The following CUX2 variants were observed in gnomAD, a reference collection of about 807,000 sequenced individuals.
CUX2 encodes the protein homeobox protein cut-like 2.
Under a neutral mutation model 144.8 loss-of-function variants are expected in CUX2, and 40 were observed. That is an observed-to-expected ratio of 0.28 (90% CI 0.21 to 0.36). The LOEUF (loss-of-function observed/expected upper bound fraction) is 0.36. CUX2 is among the 10% of genes least tolerant of loss of function. CUX2 has a pLI of 1.00. For missense variants in CUX2, 1,615 were observed against 1,994.0 expected, an observed-to-expected ratio of 0.81 and a Z score of 3.62; for synonymous variants, 827 against 875.6, an observed-to-expected ratio of 0.94 and a Z score of 0.98.
intron 1 of CUX2, among the ~76,000 whole-genome samples, chr12:111,036,634 G>T (rs779721766): frequency 6.6e-6 from 1 of 151,576 alleles, no homozygotes; most frequent in Non-Finnish European, 1.5e-5. Flanking sequence ...ATATGTGAAG[G>T]GGGGGGTTGT....
chr12:111,036,638 G>A (rs1020716733), intron 1 of CUX2, among the ~76,000 whole-genome samples: 4 of 151,210 alleles, frequency 2.6e-5, no homozygotes, highest in Admixed American at 1.3e-4. Context: ...GTGAAGGGGG[G>A]GGTTGTTCGT....
intron 1 of CUX2, among the ~76,000 whole-genome samples, chr12:111,164,162 G>A (rs1157265932): frequency 1.3e-5 from 2 of 152,110 alleles, no homozygotes; most frequent in African/African-American, 4.8e-5. Flanking sequence ...GACTCTCTGG[G>A]GGTTTTCCTG....
intron 1 of CUX2, among the ~76,000 whole-genome samples, chr12:111,064,020 G>T (rs1166772679): frequency 1.3e-5 from 2 of 152,204 alleles, no homozygotes; most frequent in Non-Finnish European, 2.9e-5. Flanking sequence ...TTCCTGTCTG[G>T]CTGGCCTTGG....
chr12:111,284,337 G>A (rs1475529891), intron 4 of CUX2, among the ~76,000 whole-genome samples: 1 of 152,178 alleles, frequency 6.6e-6, no homozygotes, highest in East Asian at 1.9e-4. Flanking sequence ...ACCGAGGGCA[G>A]CCATACGACT....
chr12:111,162,202 T>G (rs1052810250), intron 1 of CUX2, among the ~76,000 whole-genome samples: 1 of 152,116 alleles, frequency 6.6e-6, no homozygotes, highest in Non-Finnish European at 1.5e-5. Context: ...CTCTCAGAGG[T>G]GAGAACTGCC....
intron 4 of CUX2, among the ~76,000 whole-genome samples, chr12:111,272,615 C>T (rs1317888614): frequency 6.6e-6 from 1 of 152,136 alleles, no homozygotes; most frequent in Non-Finnish European, 1.5e-5. Flanking sequence ...CAGGCACATG[C>T]CACTACACCC....
chr12:111,198,474 C>CAAAA (rs1462714448), intron 1 of CUX2, among the ~76,000 whole-genome samples: 1 of 122,684 alleles, frequency 8.2e-6, no homozygotes. Context: ...GACCCTGTCT[C>CAAAA]AAAAAAAAAA....
chr12:111,199,111 G>A (rs1880415739), intron 1 of CUX2, among the ~76,000 whole-genome samples: 1 of 152,198 alleles, frequency 6.6e-6, no homozygotes, highest in African/African-American at 2.4e-5. Flanking sequence ...GGGGAGGGTA[G>A]CAGCTTGGAC....
At chr12:111,235,594 G>A (rs1882700651) in intron 3 of CUX2, among the ~76,000 whole-genome samples, 1 of 152,096 alleles carries the variant, frequency 6.6e-6, no homozygotes, top group Non-Finnish European at 1.5e-5. Context: ...GGTGGTATGT[G>A]CCTGTAATCC....
At chr12:111,069,345 G>A (rs1200926934) in intron 1 of CUX2, among the ~76,000 whole-genome samples, 1 of 152,044 alleles carries the variant, frequency 6.6e-6, no homozygotes, top group Non-Finnish European at 1.5e-5. Context: ...GCTCTGAAGG[G>A]CAGTATTTTC....
At position 111,035,182 on chromosome 12, in the gene CUX2, C is replaced by T. The variant is rs537012069; in HGVS notation, c.63+942C>T. 6.6e-6 allele frequency among the ~76,000 whole-genome samples: 1 copy of T among 152,338 alleles called. No individual in the cohort carries two copies. The highest frequency in any genetic ancestry group is 1.5e-5 in the Non-Finnish European group (1 of 68,030). ...CTCCTGCGTTTCTCCCCGCTGCTCC[C>T]CTCGTCTCCTCTCTCCCGTCTCTGC... On this transcript the variant is annotated intron_variant, in intron 1 of 21. Transcript: ENST00000261726. The surrounding 1 kb of genome is among the most constrained non-coding windows in gnomAD (Gnocchi z 6.0).
At chr12:111,189,569 T>C (rs1432999556) in intron 1 of CUX2, among the ~76,000 whole-genome samples, 1 of 152,238 alleles carries the variant, frequency 6.6e-6, no homozygotes, top group African/African-American at 2.4e-5. Context: ...GGTGAGTAGA[T>C]CACAAATGTA....
chr12:111,281,495 C>T (rs1026672257), intron 4 of CUX2, among the ~76,000 whole-genome samples: 3 of 152,244 alleles, frequency 2.0e-5, no homozygotes, highest in Non-Finnish European at 4.4e-5. Flanking sequence ...TGCAAAGGAG[C>T]AGCATCTGTC....
chr12:111,182,490 G>T lies in CUX2; in HGVS notation c.64-31710G>T, dbSNP rs17803511. Among the ~76,000 whole-genome samples the T allele has an allele frequency of 6.2e-3, 950 of 152,340 alleles. 5 individuals carry two copies. The highest frequency in any genetic ancestry group is 0.016 in the South Asian group (75 of 4,830). On this transcript the variant is annotated intron_variant, in intron 1 of 21. Coordinates refer to ENST00000261726, the MANE Select transcript of CUX2 (RefSeq NM_015267.4). The stretch of plus-strand genomic sequence containing the variant: ...AGCCATTAGCCCCCACGTCCTTGAC[G>T]GTGGAACAGTTGTAAACTCGAGACC...
At chr12:111,250,956 A>G (rs1011356969) in intron 3 of CUX2, among the ~76,000 whole-genome samples, 1 of 152,216 alleles carries the variant, frequency 6.6e-6, no homozygotes, top group East Asian at 1.9e-4. Flanking sequence ...ATATATGACC[A>G]TACAAAGAAT....
At position 111,258,405 on chromosome 12, in the gene CUX2, C is replaced by G. The variant is rs914316117; in HGVS notation, c.223-5356C>G. Among the ~76,000 whole-genome samples, 5 of 151,138 alleles carry G rather than the reference C, an allele frequency of 3.3e-5. No individual in the cohort carries two copies. The South Asian group carries it at 8.4e-4, about 25-fold the overall frequency. On this transcript the variant is annotated intron_variant, in intron 3 of 21. Coordinates refer to ENST00000261726, the MANE Select transcript of CUX2 (RefSeq NM_015267.4). The stretch of plus-strand genomic sequence containing the variant: ...GTGCATGCCTGTAATTCCAGCTACT[C>G]AAGAGGCTGAGGCAGGAGAATCACT...
Position 111,322,628 on chromosome 12 carries a change from C to A in CUX2, c.2926+48C>A. 6.3e-7 allele frequency: 1 copy of A among 1,587,318 alleles called. No individual in the cohort carries two copies. The highest frequency in any genetic ancestry group is 2.3e-5 in the East Asian group (1 of 44,424). ...CAGGGGGTGCTGGCAAACTTCCCAC[C>A]TGCGCAGTGGCATGTCCGCCTGGCT... is the stretch of plus-strand genomic sequence containing the variant. On this transcript the variant is annotated intron_variant, in intron 18 of 21. Transcript: ENST00000261726. This position sits in a 1 kb window ranked among gnomAD's most constrained non-coding sequence, Gnocchi z 4.2.
intron 1 of CUX2, among the ~76,000 whole-genome samples, chr12:111,106,754 C>T (rs1451717583): frequency 6.6e-6 from 1 of 152,186 alleles, no homozygotes; most frequent in Non-Finnish European, 1.5e-5. Context: ...AGGGGTGGGA[C>T]AGAAAACACA....
chr12:111,221,408 T>G (rs914862008), intron 3 of CUX2, among the ~76,000 whole-genome samples: 4 of 152,184 alleles, frequency 2.6e-5, no homozygotes, highest in Non-Finnish European at 5.9e-5. Flanking sequence ...TCATTTTAAT[T>G]TTTTTAATGA....
Sources: allele counts gnomAD v4.1 joint callset (sites outside exome capture counted in the v4.1 genomes callset), GRCh38; gene constraint gnomAD v4.1.1; non-coding constraint Gnocchi (gnomAD v3.1); transcripts MANE v1.5; gene names NCBI Gene and HGNC (gene_info 2026-07-23, HGNC 2026-07-21).